Variants in TRDN observed in about 807,000 individuals in gnomAD.
The protein encoded by TRDN is triadin in skeletal muscle.
TRDN carries 161 observed loss-of-function variants against 149.7 expected under a neutral mutation model. The ratio of observed to expected loss-of-function variants is 1.08; its 90% CI spans 0.95 to 1.23. TRDN has a LOEUF of 1.23. TRDN is among the 50% of genes most tolerant of loss of function. The pLI is 0.00. For missense variants in TRDN, 896 were observed against 823.5 expected (o/e 1.09, Z -1.08); for synonymous variants, 294 against 250.5 (o/e 1.17, Z -1.64).
intron 1 of TRDN, among the ~76,000 whole-genome samples, chr6:123,580,447 C>T (rs1321156200): frequency 6.6e-6 from 1 of 152,120 alleles, no homozygotes; most frequent in Non-Finnish European, 1.5e-5. Flanking sequence ...TCTGAGTTAC[C>T]TAGAGTTACA....
At chr6:123,485,463 G>A (rs1777931924) in intron 9 of TRDN, among the ~76,000 whole-genome samples, 3 of 151,984 alleles carry the variant, frequency 2.0e-5, no homozygotes, top group Admixed American at 1.3e-4. Context: ...AAACATATCA[G>A]GTTTCTGGCA....
chr6:123,561,384 T>C (rs950041188), intron 2 of TRDN, among the ~76,000 whole-genome samples: 1 of 152,184 alleles, frequency 6.6e-6, no homozygotes, highest in Non-Finnish European at 1.5e-5. Flanking sequence ...CTTTTACCAC[T>C]TGCCCTTCTC....
At chr6:123,403,869 T>C (rs1036358809) in intron 12 of TRDN, among the ~76,000 whole-genome samples, 10 of 152,124 alleles carry the variant, frequency 6.6e-5, no homozygotes, top group African/African-American at 1.9e-4. Context: ...GTAATACAAA[T>C]AGAAAATAGT....
intron 12 of TRDN, among the ~76,000 whole-genome samples, chr6:123,397,042 T>C (rs1363508492): frequency 7.7e-6 from 1 of 129,860 alleles, no homozygotes. Context: ...CATTCTCCCA[T>C]CTCTGAAAAA....
chr6:123,515,190 C>A (rs1779359817), intron 6 of TRDN, among the ~76,000 whole-genome samples: 1 of 151,150 alleles, frequency 6.6e-6, no homozygotes, highest in Admixed American at 6.6e-5. Flanking sequence ...AAATGCCTTT[C>A]AAAATAATAA....
intron 12 of TRDN, among the ~76,000 whole-genome samples, chr6:123,427,139 A>G (rs1307470195): frequency 6.6e-6 from 1 of 152,012 alleles, no homozygotes; most frequent in African/African-American, 2.4e-5. Context: ...GCAGATATCA[A>G]TAAAACATTC....
intron 26 of TRDN, among the ~76,000 whole-genome samples, chr6:123,277,268 T>C (rs1383917679): frequency 6.6e-6 from 1 of 152,070 alleles, no homozygotes; most frequent in African/African-American, 2.4e-5. Context: ...TTAGATGAAA[T>C]TTTGGACTTA....
At chr6:123,266,614 TATATAATATATATTATAATATGTATTATA>T (rs1323321352) in intron 32 of TRDN, among the ~76,000 whole-genome samples, 218 of 18,092 alleles carry the variant, frequency 0.012, 9 homozygotes, top group East Asian at 0.042. Flanking sequence ...ATATGTATTA[TATATAATATATATTATAATATGTATTATA>T]TTATAATAAT....
At chr6:123,275,447 C>T (rs12198841) in intron 26 of TRDN, among the ~76,000 whole-genome samples, 6,800 of 152,150 alleles carry the variant, frequency 0.045, 223 homozygotes, top group Non-Finnish European at 0.071. Context: ...AAATATTCTC[C>T]TCTACGGTTT....
chr6:123,368,373 C>A (rs1356429774), intron 19 of TRDN, among the ~76,000 whole-genome samples: 8 of 152,120 alleles, frequency 5.3e-5, no homozygotes, highest in African/African-American at 1.9e-4. Flanking sequence ...ATCTGCTCTA[C>A]TACTACTATG....
intron 1 of TRDN, among the ~76,000 whole-genome samples, chr6:123,617,765 T>A (rs1343204277): frequency 1.3e-5 from 2 of 151,976 alleles, no homozygotes; most frequent in South Asian, 2.1e-4. Flanking sequence ...TGAGACGGAG[T>A]TTTGCTCTTG....
intron 22 of TRDN, among the ~76,000 whole-genome samples, chr6:123,335,321 A>G (rs1779822172): frequency 6.6e-6 from 1 of 151,852 alleles, no homozygotes. Flanking sequence ...GTAATTTTCT[A>G]GTGATTGAAA....
At chr6:123,392,500 T>C (rs1772530042) in intron 13 of TRDN, among the ~76,000 whole-genome samples, 1 of 152,046 alleles carries the variant, frequency 6.6e-6, no homozygotes, top group South Asian at 2.1e-4. Flanking sequence ...CTGGTAGTCA[T>C]TGGCTTGAGG....
intron 12 of TRDN, among the ~76,000 whole-genome samples, chr6:123,434,692 T>C (rs1355086060): frequency 6.6e-6 from 1 of 152,164 alleles, no homozygotes; most frequent in East Asian, 1.9e-4. Flanking sequence ...TTTATTTCTT[T>C]TGTTGATTGC....
At chr6:123,251,853 G>T (rs1232428865) in intron 38 of TRDN, among the ~76,000 whole-genome samples, 1 of 151,844 alleles carries the variant, frequency 6.6e-6, no homozygotes, top group Non-Finnish European at 1.5e-5. Context: ...TACTATAGGA[G>T]ATACATCCAT....
rs186824224 is a variant in TRDN at position 123,552,756 on chromosome 6, A to T, written c.233-4144T>A. On this transcript the variant is annotated intron_variant, in intron 2 of 40. Transcript: ENST00000334268. ...CTCCAATTTTGCACCCATGGTACTT[A>T]ACTCACTTTTCTCTAGTCCTGGTAC... Among the ~76,000 whole-genome samples the T allele has an allele frequency of 5.6e-4, 85 of 152,206 alleles. 1 individual carries two copies. The East Asian group carries it at 0.014, about 25-fold the overall frequency.
rs1222627608 is a variant in TRDN, at chr6:123,301,741, G to GTATATATATACATATA, written c.1510+14700_1510+14715dup. ...CCAGTACATATATGTATGTATGTATGTATATATATACATATATATATATAT... is the reference window on the plus strand; with the variant it reads ...CCAGTACATATATGTATGTATGTATGTATATATATACATATATATATATATACATATATATATATAT... On this transcript the variant is annotated intron_variant, in intron 24 of 40. Transcript: ENST00000334268. Among the ~76,000 whole-genome samples the GTATATATATACATATA allele has an allele frequency of 8.7e-4, 41 of 47,330 alleles. 1 individual carries two copies. The highest frequency in any genetic ancestry group is 2.2e-3 in the African/African-American group (40 of 18,356). The allele number at this position is 47,330 out of a possible 152,430, so 31.1% of individuals were successfully genotyped here.
intron 21 of TRDN, among the ~76,000 whole-genome samples, chr6:123,338,949 G>C (rs1015322940): frequency 6.6e-6 from 1 of 152,080 alleles, no homozygotes; most frequent in Non-Finnish European, 1.5e-5. Flanking sequence ...AAATTGGGTG[G>C]AATTTCATTG....
intron 7 of TRDN, among the ~76,000 whole-genome samples, chr6:123,508,513 T>G (rs1779030101): frequency 6.6e-6 from 1 of 152,158 alleles, no homozygotes; most frequent in Non-Finnish European, 1.5e-5. Flanking sequence ...GACATCCACA[T>G]CAATTAGACA....
Sources: gnomAD v4.1 joint callset for allele counts (sites outside exome capture counted in the v4.1 genomes callset) on GRCh38, gnomAD v4.1.1 for gene constraint, MANE v1.5 for transcripts, NCBI Gene and HGNC (gene_info 2026-07-23, HGNC 2026-07-21) for gene names.